The following CPHXL2 variants were observed in gnomAD, a reference collection of about 807,000 sequenced individuals.
The protein encoded by CPHXL2 is cytoplasmic polyadenylated homeobox-like protein 2.
chr16:75,666,693 AAAC>A, the CPHXL2 span, among the ~76,000 whole-genome samples: 1 of 152,126 alleles, frequency 6.6e-6, no homozygotes, highest in Admixed American at 6.5e-5. Flanking sequence ...AGTCAACAAA[AAAC>A]AATGGATTTA....
At chr16:75,663,349 A>G in the CPHXL2 span, among the ~76,000 whole-genome samples, 2 of 152,204 alleles carry the variant, frequency 1.3e-5, no homozygotes, top group Admixed American at 1.3e-4. Flanking sequence ...GAGAAAACTG[A>G]GGTGCAGGAG....
the CPHXL2 span, among the ~76,000 whole-genome samples, chr16:75,662,821 C>T: frequency 4.6e-5 from 6 of 129,520 alleles, no homozygotes; most frequent in East Asian, 4.6e-4. Context: ...TTTTTTGAGA[C>T]GGAGTCTCGC....
the CPHXL2 span, among the ~76,000 whole-genome samples, chr16:75,664,897 A>G: frequency 6.6e-6 from 1 of 152,184 alleles, no homozygotes; most frequent in Non-Finnish European, 1.5e-5. Flanking sequence ...CCCACCAGCA[A>G]GAAAACTCTC....
At chr16:75,660,407 T>C in the CPHXL2 span, 4 of 398,546 alleles carry the variant, frequency 1.0e-5, no homozygotes, top group Admixed American at 4.4e-5. Flanking sequence ...TGGCAGCTAT[T>C]TGGGGAGGCA....
At chr16:75,670,160 T>C in the CPHXL2 span, among the ~76,000 whole-genome samples, 1 of 152,174 alleles carries the variant, frequency 6.6e-6, no homozygotes, top group African/African-American at 2.4e-5. Context: ...GTGATTTGCC[T>C]GCCTTGGCTT....
chr16:75,670,388 TTC>T, the CPHXL2 span, among the ~76,000 whole-genome samples: 2 of 152,190 alleles, frequency 1.3e-5, no homozygotes, highest in African/African-American at 2.4e-5. Flanking sequence ...TGCCACTAAG[TTC>T]TCTCTATCTG....
chr16:75,674,372 C>CA, the CPHXL2 span, among the ~76,000 whole-genome samples: 596 of 52,586 alleles, frequency 0.011, 5 homozygotes, highest in Non-Finnish European at 0.013. Flanking sequence ...GACTCCGTCT[C>CA]AAAAAAAAAA....
the CPHXL2 span, among the ~76,000 whole-genome samples, chr16:75,661,636 TC>T: frequency 1.3e-5 from 2 of 152,032 alleles, no homozygotes; most frequent in Admixed American, 6.6e-5. Context: ...CGTGGATTGT[TC>T]CTACAACCCT....
chr16:75,670,727 G>C, the CPHXL2 span, among the ~76,000 whole-genome samples: 1 of 152,050 alleles, frequency 6.6e-6, no homozygotes, highest in African/African-American at 2.4e-5. Context: ...CAACTCTTGA[G>C]CTCAAGTGAT....
the CPHXL2 span, among the ~76,000 whole-genome samples, chr16:75,676,350 G>T: frequency 6.6e-6 from 1 of 152,074 alleles, no homozygotes; most frequent in African/African-American, 2.4e-5. Flanking sequence ...AAGAGACAAG[G>T]CCTCACTCTG....
At chr16:75,673,997 T>TA in the CPHXL2 span, among the ~76,000 whole-genome samples, 80 of 106,562 alleles carry the variant, frequency 7.5e-4, no homozygotes, top group East Asian at 7.9e-3. Flanking sequence ...AAAAAAAAGA[T>TA]AAAAAAAAAA....
the CPHXL2 span, among the ~76,000 whole-genome samples, chr16:75,673,455 A>G: frequency 8.0e-6 from 1 of 124,384 alleles, no homozygotes; most frequent in Non-Finnish European, 1.6e-5. Context: ...TCCTGTCTCA[A>G]AAAAAAAAAT....
the CPHXL2 span, among the ~76,000 whole-genome samples, chr16:75,670,272 G>A: frequency 1.3e-5 from 2 of 152,044 alleles, no homozygotes; most frequent in Non-Finnish European, 2.9e-5. Flanking sequence ...TTTCATCACT[G>A]TAATATACAA....
the CPHXL2 span, among the ~76,000 whole-genome samples, chr16:75,663,114 C>G: frequency 4.0e-3 from 604 of 152,220 alleles, 2 homozygotes; most frequent in South Asian, 0.014. Flanking sequence ...GGAGGTAATT[C>G]TTATAGTTCA....
the CPHXL2 span, chr16:75,661,289 C>G: frequency 5.0e-6 from 2 of 400,522 alleles, no homozygotes; most frequent in Non-Finnish European, 8.8e-6. Flanking sequence ...AAATCTACTT[C>G]TCTGATTATA....
the CPHXL2 span, among the ~76,000 whole-genome samples, chr16:75,661,750 A>G: frequency 2.0e-5 from 3 of 152,144 alleles, no homozygotes; most frequent in Non-Finnish European, 4.4e-5. Context: ...ATTGGGTTCA[A>G]GTTTCACAAG....
chr16:75,672,389 G>A, the CPHXL2 span, among the ~76,000 whole-genome samples: 1 of 152,066 alleles, frequency 6.6e-6, no homozygotes, highest in Admixed American at 6.6e-5. Flanking sequence ...GGCATTCACT[G>A]TAAGAGAAGG....
the CPHXL2 span, among the ~76,000 whole-genome samples, chr16:75,666,499 G>A: frequency 2.7e-3 from 414 of 151,388 alleles, 1 homozygote; most frequent in African/African-American, 9.4e-3. Context: ...TTCCAGCTAC[G>A]TGGGAGGCTG....
chr16:75,676,233 C>A, the CPHXL2 span, among the ~76,000 whole-genome samples: 1 of 152,146 alleles, frequency 6.6e-6, no homozygotes, highest in East Asian at 1.9e-4. Flanking sequence ...TTCTTCCATA[C>A]TTTACATATG....
Sources: gnomAD v4.1 joint callset for allele counts (sites outside exome capture counted in the v4.1 genomes callset) on GRCh38, gnomAD v4.1.1 for gene constraint, MANE v1.5 for transcripts, NCBI Gene and HGNC (gene_info 2026-07-23, HGNC 2026-07-21) for gene names.